The following HSPG2 variants were observed in gnomAD, a reference collection of about 807,000 sequenced individuals.
HSPG2 encodes the protein heparan sulfate proteoglycan 2.
HSPG2 carries 278 observed loss-of-function variants against 526.6 expected under a neutral mutation model. The ratio of observed to expected loss-of-function variants is 0.53; its 90% CI spans 0.48 to 0.58. The LOEUF (loss-of-function observed/expected upper bound fraction) is 0.58. Among genes scored for constraint, HSPG2 ranks in the 20% least tolerant of loss-of-function variants. The probability of loss-of-function intolerance (pLI) is 0.00; values close to 1 mark genes in which losing one functional copy is unlikely to be tolerated. For missense variants in HSPG2, 5,354 were observed against 6,099.5 expected (o/e 0.88, Z 4.07); for synonymous variants, 2,465 against 2,555.4 (o/e 0.96, Z 1.07).
chr1:21,841,261 G>A lies in HSPG2; in HGVS notation c.9353C>T (p.Pro3118Leu), dbSNP rs867121561. Reference protein sequence around the residue: ...VHGPPTVSVLPEGPVWVKVGK... With the variant: ...VHGPPTVSVLLEGPVWVKVGK... ...CACTTTCACCCACACGGGGCCCTCG[G>A]GGAGCACGGACACTGTAGGGGGCCC... Residue 3118 changes from proline to leucine, a missense_variant, in exon 71 of 97, where the codon CCC becomes CTC. By Grantham distance (98) the Pro-to-Leu change is moderately conservative (BLOSUM62 -3). Transcript: ENST00000374695. 1 of 1,613,800 alleles carries A rather than the reference G, an allele frequency of 6.2e-7. No individual in the cohort carries two copies. Among genetic ancestry groups the A allele is most frequent in the Non-Finnish European group, 8.5e-7 (1 of 1,180,042 alleles).
At chr1:21,840,162 A>C in intron 71 of HSPG2, 145 bp from the exon 72 acceptor site, 1 of 701,882 alleles carries the variant, frequency 1.4e-6, no homozygotes, top group South Asian at 1.7e-5. Context: ...TTTTTGAGAC[A>C]GGGTCTTACT....
Position 21,834,804 on chromosome 1 carries a change from C to T in HSPG2, c.10595G>A (p.Gly3532Asp), listed in dbSNP as rs754092013. Residue 3532 changes from glycine (G) to aspartate (D), a missense_variant, in exon 77 of 97, where the codon GGC (glycine) becomes GAC (aspartate). By Grantham distance (94) the Gly-to-Asp change is moderately conservative. Coordinates refer to ENST00000374695, the MANE Select transcript of HSPG2 (RefSeq NM_005529.7). Reference protein sequence around the residue: ...WSKVGGHLRPGIVQSGGVVRI... With the variant: ...WSKVGGHLRPDIVQSGGVVRI... ...GACGACACCTCCGCTCTGCACAATG[C>T]CTGGCCGCAGGTGCCCTCCAACTTT... 1.7e-5 allele frequency: 27 copies of T among 1,614,100 alleles called. No homozygotes were observed. The East Asian group carries it at 5.3e-4, about 32-fold the overall frequency.
intron 1 of HSPG2, among the ~76,000 whole-genome samples, chr1:21,905,266 C>T (rs1437822445): frequency 1.3e-5 from 1 of 77,462 alleles, no homozygotes; most frequent in Non-Finnish European, 3.1e-5. Flanking sequence ...CACACCCACA[C>T]ACACACACAC....
intron 9 of HSPG2, among the ~76,000 whole-genome samples, chr1:21,886,999 C>T (rs1641942751): frequency 6.6e-6 from 1 of 152,204 alleles, no homozygotes; most frequent in African/African-American, 2.4e-5. Context: ...CAGCTCAGGG[C>T]CAAGGGGCCT....
At chr1:21,874,806 TG>T in intron 26 of HSPG2, 77 bp from the exon 27 acceptor site, 1 of 1,505,448 alleles carries the variant, frequency 6.6e-7, no homozygotes, top group Non-Finnish European at 9.1e-7. Flanking sequence ...TGGCCAGGGC[TG>T]GGGAGGTGTG....
chr1:21,878,679 G>A lies in HSPG2; in HGVS notation c.2472-16C>T, dbSNP rs376306200. ...GTCTGAGAATCTGCAGGTATCAAGT[G>A]GACAGGGCATGGGGCAGGGCTGGGG... On this transcript the variant is annotated splice_polypyrimidine_tract_variant and intron_variant, in intron 18 of 96. Coordinates refer to ENST00000374695, the MANE Select transcript of HSPG2 (RefSeq NM_005529.7). The A allele has an allele frequency of 1.9e-4, 311 of 1,609,878 alleles. No homozygotes were observed. The highest frequency in any genetic ancestry group is 2.5e-4 in the Non-Finnish European group (298 of 1,176,244).
At chr1:21,929,389 C>T (rs1460533138) in intron 1 of HSPG2, among the ~76,000 whole-genome samples, 1 of 152,080 alleles carries the variant, frequency 6.6e-6, no homozygotes, top group Admixed American at 6.6e-5. Flanking sequence ...GCTGTCCCCT[C>T]CATCACTTGC....
chr1:21,876,367 C>T lies in HSPG2; in HGVS notation c.2865G>A (p.Leu955=), dbSNP rs376962637. ...GASEEPGHFS[L]TNAASTHTTN... Reference sequence around the variant, plus strand: ...TGGTGTGGGTGCTTGCGGCGTTGGTCAGGCTGAAGTGACCAGGCTCCTCAG... The same window carrying T: ...TGGTGTGGGTGCTTGCGGCGTTGGTTAGGCTGAAGTGACCAGGCTCCTCAG... Residue 955 remains leucine, a synonymous_variant, in exon 23 of 97, where the codon CTG becomes CTA. Coordinates refer to ENST00000374695, the MANE Select transcript of HSPG2 (RefSeq NM_005529.7). 1.9e-6 allele frequency: 3 copies of T among 1,612,742 alleles called. No individual in the cohort carries two copies. The African/African-American group carries it at 4.0e-5, about 22-fold the overall frequency.
In HSPG2 at chr1:21,831,721, G is replaced by T; in HGVS notation, c.11283C>A (p.Thr3761=). 1 of 1,606,518 alleles carries T rather than the reference G, an allele frequency of 6.2e-7. No homozygotes were observed. The highest frequency in any genetic ancestry group is 8.5e-7 in the Non-Finnish European group (1 of 1,175,188). The change falls in exon 82 of 97, where the codon ACC becomes ACA. Residue 3761 remains threonine (T), a synonymous_variant. Coordinates refer to ENST00000374695, the MANE Select transcript of HSPG2 (RefSeq NM_005529.7). ...AGCCCTGGGTGAGGCTGCGCAGCAG[G>T]GTCACGGTGTGGAAATGGCCCAGGG... ...PLALGHFHTV[T]LLRSLTQGSL...
intron 1 of HSPG2, among the ~76,000 whole-genome samples, chr1:21,902,442 A>G (rs2152779216): frequency 6.6e-6 from 1 of 152,360 alleles, no homozygotes; most frequent in East Asian, 1.9e-4. Context: ...TACGTCACTC[A>G]GATCCACCAC....
Position 21,872,514 on chromosome 1 carries a change from G to A in HSPG2, c.4029+106C>T. On this transcript the variant is annotated intron_variant, in intron 32 of 96. Coordinates refer to ENST00000374695, the MANE Select transcript of HSPG2 (RefSeq NM_005529.7). This position sits in a 1 kb window ranked among gnomAD's most constrained non-coding sequence, Gnocchi z 5.5. The stretch of plus-strand genomic sequence containing the variant: ...TGCGAGAGAAATAATGGGGGCATGT[G>A]AGGGTACTGAGGCGGGGATGAGGGT... 7.0e-7 allele frequency: 1 copy of A among 1,432,382 alleles called. No individual in the cohort carries two copies. The highest frequency in any genetic ancestry group is 9.6e-7 in the Non-Finnish European group (1 of 1,040,702). The allele number at this position is 1,432,382 out of a possible 1,614,324, so 88.7% of individuals were successfully genotyped here.
Position 21,880,827 on chromosome 1 carries a change from G to T in HSPG2, c.1827C>A (p.Ser609=). 5 of 1,592,888 alleles carry T rather than the reference G, an allele frequency of 3.1e-6. No homozygotes were observed. Among genetic ancestry groups the T allele is most frequent in the Non-Finnish European group, 4.3e-6 (5 of 1,170,640 alleles). Residue 609 remains serine, a synonymous_variant, in exon 15 of 97, where the codon TCC becomes TCA. Coordinates refer to ENST00000374695, the MANE Select transcript of HSPG2 (RefSeq NM_005529.7). ...CGTTGTAACGCAGGGAGCCGCCATA[G>T]GAGTCCACCTGGCACAACAGGGTGG... ...PEQFLGNKVD[S]YGGSLRYNVR... is the part of the protein sequence containing the mutation.
In HSPG2 at chr1:21,822,416, C is replaced by T; in HGVS notation, c.*900G>A. On this transcript the variant is annotated 3_prime_UTR_variant, in exon 97 of 97. Coordinates refer to ENST00000374695, the MANE Select transcript of HSPG2 (RefSeq NM_005529.7). ...GATGGGGCAGGGTGGTCATATCCCC[C>T]TCCTCTCTCTCTCAGTCGTGAGTCC... 9.9e-6 allele frequency: 6 copies of T among 604,548 alleles called. No homozygotes were observed. Among genetic ancestry groups the T allele is most frequent in the Non-Finnish European group, 8.9e-6 (3 of 337,108 alleles). The allele number at this position is 604,548 out of a possible 1,614,324, so 37.4% of individuals were successfully genotyped here. A position where few individuals can be genotyped will look rare whatever the true frequency, so the allele number is the denominator to read the frequency against.
Position 21,862,114 on chromosome 1 carries a change from T to C in HSPG2, c.4742A>G (p.Gln1581Arg), listed in dbSNP as rs771215607. The change falls in exon 38 of 97, where the codon CAA (glutamine) becomes CGA (arginine). Residue 1581 changes from glutamine to arginine, a missense_variant and splice_region_variant. By Grantham distance (43) the Gln-to-Arg change is conservative (BLOSUM62 1). Transcript: ENST00000374695. ...LCHPETGACS[Q>R]CQHNAAGEFC... ...CTCCCCTGCGGCGTTGTGCTGGCATTGCTGCAGGGCACAAGGAGGGCAGGC... is the reference window on the plus strand; with the variant it reads ...CTCCCCTGCGGCGTTGTGCTGGCATCGCTGCAGGGCACAAGGAGGGCAGGC... 26 of 1,612,458 alleles carry C rather than the reference T, an allele frequency of 1.6e-5. No homozygotes were observed. The African/African-American group carries it at 2.9e-4, about 18-fold the overall frequency.
Position 21,854,685 on chromosome 1 carries a change from A to T in HSPG2, c.6214T>A (p.Cys2072Ser). ...GCATGGGCTGACCCTGCCACCACAC[A>T]GTTGAGGTCGAGTGTTTGCCCTTCT... ...VTEGQTLDLN[C>S]VVAGSAHAQV... The change falls in exon 49 of 97, where the codon TGT (cysteine) becomes AGT (serine). Residue 2072 changes from cysteine to serine, a missense_variant. Physicochemically the swap from Cys to Ser is moderately radical, Grantham distance 112 (BLOSUM62 -1). Coordinates refer to ENST00000374695, the MANE Select transcript of HSPG2 (RefSeq NM_005529.7). 6.2e-7 allele frequency: 1 copy of T among 1,610,596 alleles called. No homozygotes were observed. The highest frequency in any genetic ancestry group is 8.5e-7 in the Non-Finnish European group (1 of 1,178,506).
Position 21,880,509 on chromosome 1 carries a change from C to G in HSPG2, c.2049G>C (p.Leu683=), listed in dbSNP as rs768944972. The G allele has an allele frequency of 1.9e-6, 3 of 1,613,626 alleles. No individual in the cohort carries two copies. Among genetic ancestry groups the G allele is most frequent in the Non-Finnish European group, 2.5e-6 (3 of 1,180,008 alleles). The change falls in exon 16 of 97, where the codon CTG becomes CTC. Residue 683 remains leucine (L), a synonymous_variant. Transcript: ENST00000374695. ...SGRPVQRAEL[L]QVLQSLEAVL... ...CGGCCTCCAGGCTCTGCAGCACCTG[C>G]AGCAGCTCCGCGCGCTGCACCGGCC...
chr1:21,927,532 C>T (rs1454394801), intron 1 of HSPG2, among the ~76,000 whole-genome samples: 2 of 23,212 alleles, frequency 8.6e-5, no homozygotes, highest in Non-Finnish European at 7.3e-4. Context: ...GGACATCCCC[C>T]ACCCCCCCCA....
In HSPG2 at chr1:21,828,464, G is replaced by T; in HGVS notation, c.12238-38C>A. ...GGACACCGAGGGACTAAAGGGGCCT[G>T]GGAGGCAGAGACCCAGGTGTACCAG... On this transcript the variant is annotated intron_variant, in intron 88 of 96. Coordinates refer to ENST00000374695, the MANE Select transcript of HSPG2 (RefSeq NM_005529.7). The surrounding 1 kb of genome is among the most constrained non-coding windows in gnomAD (Gnocchi z 6.0). The T allele has an allele frequency of 6.2e-7, 1 of 1,603,328 alleles. No individual in the cohort carries two copies. Among genetic ancestry groups the T allele is most frequent in the South Asian group, 1.1e-5 (1 of 90,928 alleles).
chr1:21,839,648 C>G lies in HSPG2; in HGVS notation c.9710-98G>C, dbSNP rs969701887. The G allele has an allele frequency of 5.6e-5, 83 of 1,471,694 alleles. No individual in the cohort carries two copies. In the Middle Eastern group the frequency reaches 1.5e-3, roughly 27 times the overall value. 91.2% of individuals were successfully genotyped at this position (1,471,694 alleles called of 1,614,324 possible). ...GGAAGGGCCCTGGGTGATCCTGTCC[C>G]TCTATGGGGACCCCAGTTGGGTTCC... On this transcript the variant is annotated intron_variant, in intron 72 of 96. Transcript: ENST00000374695. The surrounding 1 kb of genome is among the most constrained non-coding windows in gnomAD (Gnocchi z 4.5).
Sources: allele counts gnomAD v4.1 joint callset (sites outside exome capture counted in the v4.1 genomes callset), GRCh38; gene constraint gnomAD v4.1.1; non-coding constraint Gnocchi (gnomAD v3.1); transcripts MANE v1.5; gene names NCBI Gene and HGNC (gene_info 2026-07-23, HGNC 2026-07-21).